ITGA1: variants seen among roughly 807,000 people sequenced by gnomAD.
ITGA1 encodes the protein integrin subunit alpha 1.
Under a neutral mutation model 145.9 loss-of-function variants are expected in ITGA1, and 85 were observed. That is an observed-to-expected ratio of 0.58 (90% CI 0.49 to 0.70). The LOEUF (loss-of-function observed/expected upper bound fraction) is 0.70, where lower values mean the gene tolerates loss of function less well. Among genes scored for constraint, ITGA1 ranks in the 30% least tolerant of loss-of-function variants. The probability of loss-of-function intolerance (pLI) is 0.00; values close to 1 mark genes in which losing one functional copy is unlikely to be tolerated. For synonymous variants in ITGA1, 520 were observed against 495.3 expected (o/e 1.05, Z -0.66); for missense variants, 1,351 against 1,418.7 (o/e 0.95, Z 0.77).
chr5:52,853,056 G>A (rs1749453674), intron 2 of ITGA1, among the ~76,000 whole-genome samples: 1 of 152,116 alleles, frequency 6.6e-6, no homozygotes, highest in Admixed American at 6.6e-5. Flanking sequence ...ATATTAATAT[G>A]TGTGTAAGTT....
At chr5:52,799,259 AACTT>A in intron 1 of ITGA1, among the ~76,000 whole-genome samples, 1 of 152,330 alleles carries the variant, frequency 6.6e-6, no homozygotes, top group East Asian at 1.9e-4. Context: ...AATGCTAAGT[AACTT>A]AAGGATTTTC....
At chr5:52,789,701 C>T (rs539301212) in intron 1 of ITGA1, among the ~76,000 whole-genome samples, 1 of 152,300 alleles carries the variant, frequency 6.6e-6, no homozygotes, top group South Asian at 2.1e-4. Flanking sequence ...CATATTTGAC[C>T]TATGATTCTT....
intron 1 of ITGA1, among the ~76,000 whole-genome samples, chr5:52,811,941 C>T (rs1397512688): frequency 6.6e-6 from 1 of 152,188 alleles, no homozygotes; most frequent in African/African-American, 2.4e-5. Flanking sequence ...AGCCCTACCT[C>T]AACTAAGTCA....
At chr5:52,887,352 G>T (rs528231002) in intron 7 of ITGA1, among the ~76,000 whole-genome samples, 1 of 152,120 alleles carries the variant, frequency 6.6e-6, no homozygotes, top group South Asian at 2.1e-4. Context: ...GAGGATTTTC[G>T]AGCCATTCTA....
In ITGA1 at chr5:52,865,711, T is replaced by C. The variant is rs758324791; in HGVS notation, c.518T>C (p.Ile173Thr). Residue 173 changes from isoleucine (I) to threonine (T), a missense_variant, in exon 6 of 29, where the codon ATA becomes ACA. By Grantham distance (89) the Ile-to-Thr change is moderately conservative. Transcript: ENST00000282588. ...GCAGAATGCAGCACTCAACTGGACA[T>C]AGTCATAGTGCTGGATGGTTCCAAC... Reference protein sequence around the residue: ...PVQECSTQLDIVIVLDGSNSI... With the variant: ...PVQECSTQLDTVIVLDGSNSI... 6.4e-7 allele frequency: 1 copy of C among 1,571,210 alleles called. No individual in the cohort carries two copies. Among genetic ancestry groups the C allele is most frequent in the Non-Finnish European group, 8.6e-7 (1 of 1,165,750 alleles).
In ITGA1 at chr5:52,955,160, G is replaced by GGA. The variant is rs1751284126; in HGVS notation, c.*2709_*2710insGA. 6.7e-6 allele frequency: 1 copy of GGA among 149,408 alleles called. No homozygotes were observed. The highest frequency in any genetic ancestry group is 2.0e-4 in the East Asian group (1 of 5,070). The allele number at this position is 149,408 out of a possible 1,614,324, so 9.3% of individuals were successfully genotyped here. A position where few individuals can be genotyped will look rare whatever the true frequency, so the allele number is the denominator to read the frequency against. ...ATTTAACAACACACTGTCCAGGAGG[G>GGA]AAAAAAAAAACAGTCTCTGATTTGT... On this transcript the variant is annotated 3_prime_UTR_variant, in exon 29 of 29. Transcript: ENST00000282588.
chr5:52,849,511 T>C, intron 2 of ITGA1, 26 bp downstream of exon 2: 2 of 1,553,184 alleles, frequency 1.3e-6, no homozygotes, highest in Non-Finnish European at 1.8e-6. Context: ...TTGTTGTTGT[T>C]ATTTACTTAT....
intron 1 of ITGA1, among the ~76,000 whole-genome samples, chr5:52,792,518 C>T (rs1748261871): frequency 1.3e-5 from 2 of 152,106 alleles, no homozygotes; most frequent in African/African-American, 4.8e-5. Context: ...AACACTTACC[C>T]AGCTATTTTG....
At chr5:52,928,218 A>T (rs1325970470) in intron 20 of ITGA1, among the ~76,000 whole-genome samples, 1 of 152,242 alleles carries the variant, frequency 6.6e-6, no homozygotes, top group Non-Finnish European at 1.5e-5. Context: ...CCAAGACAAG[A>T]TTTAAAATTT....
At chr5:52,865,932 A>G (rs1213334394) in intron 6 of ITGA1, 115 bp downstream of exon 6, 2 of 747,990 alleles carry the variant, frequency 2.7e-6, no homozygotes, top group Non-Finnish European at 4.1e-6. Flanking sequence ...TTGAGAATGA[A>G]TTTTATATCC....
At chr5:52,895,609 A>T (rs949587646) in intron 9 of ITGA1, among the ~76,000 whole-genome samples, 3 of 152,182 alleles carry the variant, frequency 2.0e-5, no homozygotes, top group African/African-American at 7.2e-5. Context: ...CAAGTAACCT[A>T]AAACTGGCAA....
chr5:52,803,992 G>C (rs1748541929), intron 1 of ITGA1: 1 of 151,918 alleles, frequency 6.6e-6, no homozygotes, highest in Non-Finnish European at 1.5e-5. Context: ...ATAAATTTCT[G>C]TTTTTATGTC....
chr5:52,906,272 G>A (rs933115739), intron 12 of ITGA1, among the ~76,000 whole-genome samples: 1 of 152,086 alleles, frequency 6.6e-6, no homozygotes, highest in Non-Finnish European at 1.5e-5. Flanking sequence ...GATGAAATTC[G>A]GGCTGAATCT....
chr5:52,810,002 G>A (rs912653822), intron 1 of ITGA1, among the ~76,000 whole-genome samples: 56 of 151,236 alleles, frequency 3.7e-4, no homozygotes, highest in African/African-American at 1.4e-3. Flanking sequence ...GACTCTGAAA[G>A]ATTGTGGAAC....
At chr5:52,887,393 A>G (rs1249235212) in intron 7 of ITGA1, among the ~76,000 whole-genome samples, 1 of 152,092 alleles carries the variant, frequency 6.6e-6, no homozygotes, top group African/African-American at 2.4e-5. Flanking sequence ...GGGGAAGCAA[A>G]ATCTCAAGCA....
In ITGA1 at chr5:52,822,535, A is replaced by G. The variant is rs566639483; in HGVS notation, c.62-26830A>G. ...GAAGAGCTGGAGGCTGAGTATCCGG[A>G]CTGCTCTGCATAGGGGATATGGGAC... On this transcript the variant is annotated intron_variant, in intron 1 of 28. Transcript: ENST00000282588. 1.1e-4 allele frequency among the ~76,000 whole-genome samples: 17 copies of G among 152,300 alleles called. No homozygotes were observed. In the South Asian group the frequency reaches 1.9e-3, roughly 17 times the overall value.
At chr5:52,818,224 G>A (rs969871211) in intron 1 of ITGA1, among the ~76,000 whole-genome samples, 4 of 151,892 alleles carry the variant, frequency 2.6e-5, no homozygotes, top group Non-Finnish European at 5.9e-5. Flanking sequence ...TAGCATCAAG[G>A]CTTGCTGAGT....
chr5:52,892,798 G>A (rs915667719), intron 8 of ITGA1, among the ~76,000 whole-genome samples: 1 of 151,896 alleles, frequency 6.6e-6, no homozygotes, highest in African/African-American at 2.4e-5. Flanking sequence ...AAAGCTATAA[G>A]GACAGATTAT....
At chr5:52,911,042 CTATA>C (rs1328339737) in intron 14 of ITGA1, among the ~76,000 whole-genome samples, 1 of 6,508 alleles carries the variant, frequency 1.5e-4, no homozygotes, top group East Asian at 1.4e-3. Context: ...ACTGTATATA[CTATA>C]TATACTATAC....
Sources: gnomAD v4.1 joint callset for allele counts (sites outside exome capture counted in the v4.1 genomes callset) on GRCh38, gnomAD v4.1.1 for gene constraint, MANE v1.5 for transcripts, NCBI Gene and HGNC (gene_info 2026-07-23, HGNC 2026-07-21) for gene names.